The following CNTNAP2 variants were observed in gnomAD, a reference collection of about 807,000 sequenced individuals.
CNTNAP2 encodes the protein contactin associated protein 2.
CNTNAP2 carries 98 observed loss-of-function variants against 155.2 expected under a neutral mutation model. That is an observed-to-expected ratio of 0.63 (90% CI 0.54 to 0.75). The LOEUF (loss-of-function observed/expected upper bound fraction) is 0.75. Among genes scored for constraint, CNTNAP2 ranks in the 30% least tolerant of loss-of-function variants. The probability of loss-of-function intolerance (pLI) is 0.00; values close to 1 mark genes in which losing one functional copy is unlikely to be tolerated. For missense variants in CNTNAP2, 1,727 were observed against 1,688.1 expected, an observed-to-expected ratio of 1.02 and a Z score of -0.40; for synonymous variants, 651 against 631.2, an observed-to-expected ratio of 1.03 and a Z score of -0.47.
chr7:146,851,312 GAGGTTC>G (rs1794873582), intron 3 of CNTNAP2, among the ~76,000 whole-genome samples: 1 of 152,136 alleles, frequency 6.6e-6, no homozygotes, highest in African/African-American at 2.4e-5. Flanking sequence ...TACAAAAATT[GAGGTTC>G]AGGATCTTAC....
chr7:146,836,776 CTT>C (rs1056441705), intron 2 of CNTNAP2, among the ~76,000 whole-genome samples: 1 of 152,068 alleles, frequency 6.6e-6, no homozygotes, highest in African/African-American at 2.4e-5. Context: ...AGGTGAAAAA[CTT>C]ATATTTTTAT....
At chr7:148,081,529 C>T (rs1313715546) in intron 15 of CNTNAP2, among the ~76,000 whole-genome samples, 1 of 152,044 alleles carries the variant, frequency 6.6e-6, no homozygotes, top group Admixed American at 6.6e-5. Context: ...ATGCTTCCTG[C>T]CCTCAAACAT....
At chr7:146,790,568 ATT>A (rs11435256) in intron 2 of CNTNAP2, among the ~76,000 whole-genome samples, 16 of 137,724 alleles carry the variant, frequency 1.2e-4, no homozygotes, top group Non-Finnish European at 9.4e-5. Context: ...TTGGTCAGTG[ATT>A]TTTTTTTTTT....
intron 15 of CNTNAP2, among the ~76,000 whole-genome samples, chr7:148,003,078 A>G (rs1247121666): frequency 6.6e-6 from 1 of 152,148 alleles, no homozygotes; most frequent in Non-Finnish European, 1.5e-5. Flanking sequence ...TGCAGGTTCT[A>G]TGATATGGAA....
At chr7:147,556,782 A>T (rs1361786414) in intron 11 of CNTNAP2, among the ~76,000 whole-genome samples, 1 of 152,342 alleles carries the variant, frequency 6.6e-6, no homozygotes, top group East Asian at 1.9e-4. Context: ...TATCATTATT[A>T]TTAACAGAAT....
chr7:146,757,928 T>G (rs1397977365), intron 1 of CNTNAP2, among the ~76,000 whole-genome samples: 1 of 152,228 alleles, frequency 6.6e-6, no homozygotes, highest in African/African-American at 2.4e-5. Context: ...TACTTCTGAT[T>G]ACATTGTTTT....
In CNTNAP2 at chr7:147,558,693, G is replaced by T. The variant is rs954004975; in HGVS notation, c.1778-3445G>T. Reference sequence around the variant, plus strand: ...AAAAGAAAACTTTTTTCCTTCGTTCGTTCTTTCCTTCCTTCCTTCCTTCCT... The same window carrying T: ...AAAAGAAAACTTTTTTCCTTCGTTCTTTCTTTCCTTCCTTCCTTCCTTCCT... On this transcript the variant is annotated intron_variant, in intron 11 of 23. Coordinates refer to ENST00000361727, the MANE Select transcript of CNTNAP2 (RefSeq NM_014141.6). Among the ~76,000 whole-genome samples, 10 of 124,964 alleles carry T rather than the reference G, an allele frequency of 8.0e-5. 1 individual carries two copies. The South Asian group carries it at 1.7e-3, about 21-fold the overall frequency. 82.0% of individuals were successfully genotyped at this position (124,964 alleles called of 152,430 possible).
intron 21 of CNTNAP2, among the ~76,000 whole-genome samples, chr7:148,309,995 G>A (rs12671424): frequency 0.62 from 93,934 of 151,934 alleles, 30,399 homozygotes; most frequent in East Asian, 0.75. Context: ...AGATTAAGCT[G>A]AAGGAAGATT....
At chr7:148,253,055 T>TGATAGATAGACA (rs1796396473) in intron 20 of CNTNAP2, among the ~76,000 whole-genome samples, 1 of 138,692 alleles carries the variant, frequency 7.2e-6, no homozygotes, top group Non-Finnish European at 1.6e-5. Context: ...GATAGACAGA[T>TGATAGATAGACA]GATAGATAGA....
chr7:147,224,186 G>C (rs551729981), intron 8 of CNTNAP2, among the ~76,000 whole-genome samples: 89 of 152,102 alleles, frequency 5.9e-4, no homozygotes, highest in Admixed American at 2.1e-3. Flanking sequence ...AAGAGTTGTT[G>C]GTTTTTCAAT....
chr7:146,394,272 C>G (rs948853527), intron 1 of CNTNAP2, among the ~76,000 whole-genome samples: 1 of 151,938 alleles, frequency 6.6e-6, no homozygotes, highest in African/African-American at 2.4e-5. Flanking sequence ...AACAAAGGAG[C>G]GCTAGGGGAG....
At chr7:147,562,998 A>G (rs1019035179) in intron 12 of CNTNAP2, among the ~76,000 whole-genome samples, 1 of 152,188 alleles carries the variant, frequency 6.6e-6, no homozygotes, top group African/African-American at 2.4e-5. Context: ...TGATAAGGGT[A>G]ATGATAATAA....
At chr7:147,964,227 A>G (rs923271507) in intron 14 of CNTNAP2, among the ~76,000 whole-genome samples, 2 of 152,016 alleles carry the variant, frequency 1.3e-5, no homozygotes, top group African/African-American at 4.8e-5. Flanking sequence ...CCAGAAACCA[A>G]CTCTACCAAC....
At chr7:147,250,871 C>T (rs6962971) in intron 8 of CNTNAP2, among the ~76,000 whole-genome samples, 34,685 of 151,968 alleles carry the variant, frequency 0.23, 5,134 homozygotes, top group East Asian at 0.77. Context: ...CTGGTGAATT[C>T]CAGTGCAGGC....
intron 21 of CNTNAP2, among the ~76,000 whole-genome samples, chr7:148,284,072 C>T (rs1797037441): frequency 1.3e-5 from 2 of 152,328 alleles, no homozygotes; most frequent in East Asian, 3.9e-4. Context: ...TAACCTGCAT[C>T]ACATGAATAT....
intron 1 of CNTNAP2, among the ~76,000 whole-genome samples, chr7:146,490,879 G>A (rs555774450): frequency 1.2e-4 from 19 of 152,224 alleles, no homozygotes; most frequent in East Asian, 1.9e-4. Context: ...GATAAATGGC[G>A]AAGCAGATAA....
intron 3 of CNTNAP2, among the ~76,000 whole-genome samples, chr7:146,994,118 T>G (rs1192248866): frequency 2.0e-5 from 3 of 152,170 alleles, no homozygotes; most frequent in African/African-American, 7.2e-5. Flanking sequence ...AATTAAAAAC[T>G]TATTTAAGTC....
chr7:146,466,321 G>A (rs532946001), intron 1 of CNTNAP2, among the ~76,000 whole-genome samples: 1 of 152,254 alleles, frequency 6.6e-6, no homozygotes, highest in Non-Finnish European at 1.5e-5. Flanking sequence ...TTTCAAATAA[G>A]TTTTTGCAGC....
At chr7:148,405,319 G>A (rs1431667680) in intron 22 of CNTNAP2, among the ~76,000 whole-genome samples, 1 of 151,288 alleles carries the variant, frequency 6.6e-6, no homozygotes, top group Admixed American at 6.6e-5. Context: ...CCTAGCTCTT[G>A]TCATTCTCCT....
Sources: allele counts gnomAD v4.1 joint callset (sites outside exome capture counted in the v4.1 genomes callset), GRCh38; gene constraint gnomAD v4.1.1; transcripts MANE v1.5; gene names NCBI Gene and HGNC (gene_info 2026-07-23, HGNC 2026-07-21).